NPAS3: variants seen among roughly 807,000 people sequenced by gnomAD.
The protein encoded by NPAS3 is neuronal PAS domain-containing protein 3.
Under a neutral mutation model 73.1 loss-of-function variants are expected in NPAS3, and 14 were observed. The ratio of observed to expected loss-of-function variants is 0.19; its 90% CI spans 0.13 to 0.30. NPAS3 has a LOEUF of 0.30. NPAS3 is among the 10% of genes least tolerant of loss of function. The pLI is 1.00. For missense variants in NPAS3, 1,096 were observed against 1,250.0 expected (o/e 0.88, Z 1.86); for synonymous variants, 620 against 541.5 (o/e 1.14, Z -2.01).
intron 3 of NPAS3, among the ~76,000 whole-genome samples, chr14:33,299,192 C>T (rs1179474777): frequency 1.3e-5 from 2 of 152,168 alleles, no homozygotes; most frequent in Non-Finnish European, 2.9e-5. Flanking sequence ...AAACACTCTT[C>T]TAATGGTGTC....
At chr14:33,535,875 T>C (rs559088571) in intron 4 of NPAS3, among the ~76,000 whole-genome samples, 1 of 152,166 alleles carries the variant, frequency 6.6e-6, no homozygotes, top group South Asian at 2.1e-4. Context: ...TCTATCAGCA[T>C]TGATGGATTT....
At chr14:33,134,963 C>G (rs2043779111) in intron 2 of NPAS3, among the ~76,000 whole-genome samples, 1 of 151,972 alleles carries the variant, frequency 6.6e-6, no homozygotes, top group Non-Finnish European at 1.5e-5. Context: ...AGTGTTACTT[C>G]ACAAATAGAG....
intron 5 of NPAS3, among the ~76,000 whole-genome samples, chr14:33,588,691 G>T (rs2139928862): frequency 6.6e-6 from 1 of 152,284 alleles, no homozygotes; most frequent in East Asian, 1.9e-4. Context: ...TTGGCTCACT[G>T]CAACCTTCGC....
At chr14:33,390,238 CT>C (rs35086873) in intron 4 of NPAS3, among the ~76,000 whole-genome samples, 1 of 152,056 alleles carries the variant, frequency 6.6e-6, no homozygotes, top group Non-Finnish European at 1.5e-5. Flanking sequence ...AAAGAGAATA[CT>C]TTTTTTCAGA....
intron 1 of NPAS3, among the ~76,000 whole-genome samples, chr14:32,992,274 C>T (rs1165899550): frequency 6.6e-6 from 1 of 152,194 alleles, no homozygotes; most frequent in African/African-American, 2.4e-5. Context: ...AATATGTTTT[C>T]TACCATATTA....
At chr14:33,509,240 T>C (rs1026250931) in intron 4 of NPAS3, among the ~76,000 whole-genome samples, 5 of 152,038 alleles carry the variant, frequency 3.3e-5, no homozygotes, top group African/African-American at 1.2e-4. Context: ...TTATTCAACT[T>C]GTTACATTTT....
chr14:33,795,340 C>A (rs1034889315), intron 10 of NPAS3, among the ~76,000 whole-genome samples: 2 of 152,132 alleles, frequency 1.3e-5, no homozygotes, highest in Non-Finnish European at 2.9e-5. Flanking sequence ...TTCTCCAAGG[C>A]CTGATTTCCG....
intron 3 of NPAS3, among the ~76,000 whole-genome samples, chr14:33,254,329 C>A (rs2048698829): frequency 6.6e-6 from 1 of 152,056 alleles, no homozygotes; most frequent in African/African-American, 2.4e-5. Flanking sequence ...AAAGAGAATG[C>A]TACCTTCTCT....
chr14:33,093,615 C>A (rs1400725865), intron 2 of NPAS3, among the ~76,000 whole-genome samples: 4 of 142,644 alleles, frequency 2.8e-5, no homozygotes, highest in African/African-American at 1.1e-4. Context: ...CATGCCATTA[C>A]TGGGTATATA....
chr14:33,696,510 G>A (rs72664525), intron 6 of NPAS3, among the ~76,000 whole-genome samples: 2,260 of 152,174 alleles, frequency 0.015, 38 homozygotes, highest in Non-Finnish European at 0.022. Context: ...TAACGCATTC[G>A]GTAAATAGTG....
intron 2 of NPAS3, among the ~76,000 whole-genome samples, chr14:33,184,529 A>T (rs572664815): frequency 6.6e-6 from 1 of 152,270 alleles, no homozygotes; most frequent in Admixed American, 6.5e-5. Flanking sequence ...CTGTAGACAG[A>T]TCTCTCTGAT....
intron 5 of NPAS3, among the ~76,000 whole-genome samples, chr14:33,610,451 T>C (rs1001167136): frequency 9.9e-5 from 15 of 152,194 alleles, no homozygotes; most frequent in African/African-American, 1.7e-4. Flanking sequence ...TTCACAATTT[T>C]GTGAAAAGTG....
Position 33,367,135 on chromosome 14 carries a change from T to C in NPAS3, c.386-51T>C, listed in dbSNP as rs185090943. On this transcript the variant is annotated intron_variant, in intron 3 of 11. Transcript: ENST00000356141. Reference sequence around the variant, plus strand: ...AGAGAAACTAAGCTGAAGATATGAATCAGAGCTCCAACTTAATTGTTCTGT... The same window carrying C: ...AGAGAAACTAAGCTGAAGATATGAACCAGAGCTCCAACTTAATTGTTCTGT... 1,108 of 778,418 alleles carry C rather than the reference T, an allele frequency of 1.4e-3. 5 individuals are homozygous for C. Among genetic ancestry groups the C allele is most frequent in the Non-Finnish European group, 1.1e-3 (494 of 456,880 alleles). 48.2% of individuals were successfully genotyped at this position (778,418 alleles called of 1,614,324 possible).
intron 5 of NPAS3, among the ~76,000 whole-genome samples, chr14:33,631,423 C>T (rs2058373741): frequency 6.6e-6 from 1 of 152,198 alleles, no homozygotes; most frequent in South Asian, 2.1e-4. Context: ...CATTCTAAAG[C>T]TATGAAAGCC....
chr14:33,601,359 A>T (rs1443873092), intron 5 of NPAS3, among the ~76,000 whole-genome samples: 1 of 152,230 alleles, frequency 6.6e-6, no homozygotes. Context: ...GATGAATGCA[A>T]TTCTGAACAC....
intron 2 of NPAS3, among the ~76,000 whole-genome samples, chr14:33,062,300 AG>A (rs1421217567): frequency 5.0e-4 from 71 of 142,786 alleles, no homozygotes; most frequent in Non-Finnish European, 9.2e-4. Flanking sequence ...GAAAAAAAAA[AG>A]AAAAAAAAAA....
At chr14:33,624,399 T>G (rs183618277) in intron 5 of NPAS3, among the ~76,000 whole-genome samples, 1 of 152,188 alleles carries the variant, frequency 6.6e-6, no homozygotes, top group Non-Finnish European at 1.5e-5. Context: ...TGGATAGGAT[T>G]TGGGGGATTT....
chr14:33,302,973 C>T (rs554820204), intron 3 of NPAS3, among the ~76,000 whole-genome samples: 2 of 151,730 alleles, frequency 1.3e-5, no homozygotes, highest in South Asian at 4.2e-4. Context: ...AAGCTGTTAG[C>T]ATTTGTGGCC....
chr14:33,090,612 A>G (rs1401873887), intron 2 of NPAS3, among the ~76,000 whole-genome samples: 2 of 152,204 alleles, frequency 1.3e-5, no homozygotes, highest in Non-Finnish European at 2.9e-5. Context: ...TAACAAGGAT[A>G]TCCAGGAATT....
Sources: gnomAD v4.1 joint callset for allele counts (sites outside exome capture counted in the v4.1 genomes callset) on GRCh38, gnomAD v4.1.1 for gene constraint, MANE v1.5 for transcripts, NCBI Gene and HGNC (gene_info 2026-07-23, HGNC 2026-07-21) for gene names.